The following SFMBT2 variants were observed in gnomAD, a reference collection of about 807,000 sequenced individuals.
SFMBT2 encodes the protein Scm like with four mbt domains 2, also known as scm-like with four MBT domains protein 2.
A neutral mutation model predicts 110.1 loss-of-function variants in SFMBT2; 38 were observed. The observed-to-expected ratio is 0.35, with a 90% CI of 0.27 to 0.45. The LOEUF is 0.45. SFMBT2 is among the 20% of genes least tolerant of loss of function. The pLI is 1.00. For missense variants in SFMBT2, 1,011 were observed against 1,094.9 expected (o/e 0.92, Z 1.08); for synonymous variants, 425 against 425.4 (o/e 1.00, Z 0.01).
At chr10:7,352,474 C>A (rs1844354359) in intron 4 of SFMBT2, among the ~76,000 whole-genome samples, 1 of 152,178 alleles carries the variant, frequency 6.6e-6, no homozygotes, top group Admixed American at 6.5e-5. Flanking sequence ...AGGCATGCAC[C>A]ACCACACCTG....
At chr10:7,282,878 TC>T (rs36007058) in intron 6 of SFMBT2, among the ~76,000 whole-genome samples, 94,921 of 151,946 alleles carry the variant, frequency 0.62, 29,776 homozygotes, top group East Asian at 0.74. Context: ...GAATGAAGAT[TC>T]ACCAATTTCT....
intron 14 of SFMBT2, 96 bp downstream of exon 14, chr10:7,200,318 T>G: frequency 1.9e-5 from 18 of 941,740 alleles, no homozygotes; most frequent in Non-Finnish European, 2.7e-5. Flanking sequence ...GGCTCAACGT[T>G]GAGATGTATT....
At chr10:7,197,015 C>G (rs1838792916) in intron 15 of SFMBT2, among the ~76,000 whole-genome samples, 1 of 152,142 alleles carries the variant, frequency 6.6e-6, no homozygotes, top group African/African-American at 2.4e-5. Flanking sequence ...TGACACAAAC[C>G]TCGTCAAAGT....
chr10:7,375,248 T>C (rs1206214732), intron 2 of SFMBT2, among the ~76,000 whole-genome samples: 1 of 152,194 alleles, frequency 6.6e-6, no homozygotes, highest in African/African-American at 2.4e-5. Context: ...AGCTGGAGTG[T>C]AAGTGACGTG....
chr10:7,293,096 T>C lies in SFMBT2; in HGVS notation c.437-7142A>G, dbSNP rs1842308187. Among the ~76,000 whole-genome samples the C allele has an allele frequency of 6.6e-6, 1 of 152,174 alleles. No homozygotes were observed. Among genetic ancestry groups the C allele is most frequent in the South Asian group, 2.1e-4 (1 of 4,826 alleles). On this transcript the variant is annotated intron_variant, in intron 4 of 20. Transcript: ENST00000397167. The surrounding 1 kb of genome is among the most constrained non-coding windows in gnomAD (Gnocchi z 4.6). ...AGGGTGAAAGGAGTCTCACTCTGTC[T>C]GGAATGCAGTGGCGCGATCTCGACT...
At chr10:7,320,171 T>C (rs983879991) in intron 4 of SFMBT2, among the ~76,000 whole-genome samples, 1 of 152,252 alleles carries the variant, frequency 6.6e-6, no homozygotes, top group Non-Finnish European at 1.5e-5. Context: ...ATTACTTTAA[T>C]ACACTGTCAT....
chr10:7,313,284 A>T (rs552825992), intron 4 of SFMBT2, among the ~76,000 whole-genome samples: 1 of 152,166 alleles, frequency 6.6e-6, no homozygotes, highest in African/African-American at 2.4e-5. Context: ...GTGTATGGTA[A>T]AAACCTAGAG....
intron 1 of SFMBT2, among the ~76,000 whole-genome samples, chr10:7,410,266 T>C (rs1245927064): frequency 6.6e-6 from 1 of 152,228 alleles, no homozygotes; most frequent in Non-Finnish European, 1.5e-5. Flanking sequence ...CTCAGGCAAA[T>C]GTTTCCAAGG....
intron 4 of SFMBT2, among the ~76,000 whole-genome samples, chr10:7,346,031 C>G (rs1339784063): frequency 6.6e-6 from 1 of 152,178 alleles, no homozygotes. Context: ...AAGCACTGAA[C>G]ACCTTAACTC....
At chr10:7,270,046 T>A (rs753131027) in intron 7 of SFMBT2, among the ~76,000 whole-genome samples, 3 of 152,142 alleles carry the variant, frequency 2.0e-5, no homozygotes, top group African/African-American at 7.2e-5. Flanking sequence ...GAAGCTATCA[T>A]GCAACCTTAT....
chr10:7,266,675 C>G (rs556505174), intron 7 of SFMBT2, among the ~76,000 whole-genome samples: 1 of 152,332 alleles, frequency 6.6e-6, no homozygotes, highest in South Asian at 2.1e-4. Flanking sequence ...CAGAAGCCCT[C>G]TGGCTGCAGT....
At chr10:7,181,230 C>A in intron 16 of SFMBT2, among the ~76,000 whole-genome samples, 1 of 142,362 alleles carries the variant, frequency 7.0e-6, no homozygotes, top group Admixed American at 7.0e-5. Context: ...CAAAGTGAGA[C>A]TCCATTTCAA....
intron 4 of SFMBT2, among the ~76,000 whole-genome samples, chr10:7,324,536 C>A (rs1234990081): frequency 6.6e-6 from 1 of 152,170 alleles, no homozygotes; most frequent in African/African-American, 2.4e-5. Flanking sequence ...CTGAGTTACT[C>A]CTCATAGTCA....
At chr10:7,322,925 T>C (rs879688249) in intron 4 of SFMBT2, among the ~76,000 whole-genome samples, 1 of 152,172 alleles carries the variant, frequency 6.6e-6, no homozygotes, top group African/African-American at 2.4e-5. Context: ...AGAGAAATGC[T>C]CTCATTTGTA....
At chr10:7,303,973 G>A (rs574193134) in intron 4 of SFMBT2, among the ~76,000 whole-genome samples, 4 of 152,156 alleles carry the variant, frequency 2.6e-5, no homozygotes, top group South Asian at 4.1e-4. Context: ...TGCGACACCC[G>A]ACAGAAGGTG....
At chr10:7,268,042 T>C (rs10508328) in intron 7 of SFMBT2, among the ~76,000 whole-genome samples, 24,503 of 152,252 alleles carry the variant, frequency 0.16, 2,213 homozygotes, top group South Asian at 0.36. Flanking sequence ...TACAATTTAA[T>C]ATTTGCAAAC....
chr10:7,277,951 G>T (rs1397070966), intron 6 of SFMBT2, among the ~76,000 whole-genome samples: 1 of 152,178 alleles, frequency 6.6e-6, no homozygotes, highest in African/African-American at 2.4e-5. Flanking sequence ...AACTCACCTT[G>T]AGCTTTAAGC....
intron 1 of SFMBT2, among the ~76,000 whole-genome samples, chr10:7,402,603 G>C (rs996609711): frequency 6.6e-6 from 1 of 152,048 alleles, no homozygotes; most frequent in African/African-American, 2.4e-5. Context: ...TTTTTCCCTG[G>C]TCCATTAAAA....
intron 6 of SFMBT2, among the ~76,000 whole-genome samples, chr10:7,282,644 C>T (rs1273293145): frequency 6.6e-6 from 1 of 152,162 alleles, no homozygotes; most frequent in African/African-American, 2.4e-5. Context: ...CCACATTACG[C>T]GTCTCTAAGC....
Sources: allele counts gnomAD v4.1 joint callset (sites outside exome capture counted in the v4.1 genomes callset), GRCh38; gene constraint gnomAD v4.1.1; non-coding constraint Gnocchi (gnomAD v3.1); transcripts MANE v1.5; gene names NCBI Gene and HGNC (gene_info 2026-07-23, HGNC 2026-07-21).